The following ITM2C variants were observed in gnomAD, a reference collection of about 807,000 sequenced individuals.
ITM2C encodes the protein BRICHOS domain containing 2C.
A neutral mutation model predicts 30.0 loss-of-function variants in ITM2C; 20 were observed. That is an observed-to-expected ratio of 0.67 (90% CI 0.47 to 0.97). The LOEUF (loss-of-function observed/expected upper bound fraction) is 0.97, where lower values mean the gene tolerates loss of function less well. ITM2C is among the 50% of genes least tolerant of loss of function. ITM2C has a pLI of 0.00. For synonymous variants in ITM2C, 167 were observed against 156.4 expected (o/e 1.07, Z -0.51); for missense variants, 366 against 371.9 (o/e 0.98, Z 0.13).
Position 230,865,132 on chromosome 2 carries a change from T to C in ITM2C, c.107T>C (p.Leu36Pro), listed in dbSNP as rs781344509. The change falls in exon 1 of 6, where the codon CTG becomes CCG. Residue 36 changes from leucine (L) to proline (P), a missense_variant. Physicochemically the swap from Leu to Pro is moderately conservative, Grantham distance 98. Transcript: ENST00000326427. The surrounding 1 kb of genome is among the most constrained non-coding windows in gnomAD (Gnocchi z 6.8). ...PAPASATEIL[L>P]TPAREEQPPQ... ...CCGGCCTCGGCCACCGAGATCCTGC[T>C]GACGCCGGCTAGGGTGAGAGGGTCT... 1 of 1,489,012 alleles carries C rather than the reference T, an allele frequency of 6.7e-7. No homozygotes were observed. Among genetic ancestry groups the C allele is most frequent in the Non-Finnish European group, 9.0e-7 (1 of 1,111,824 alleles). 92.2% of individuals were successfully genotyped at this position (1,489,012 alleles called of 1,614,324 possible). A position where few individuals can be genotyped will look rare whatever the true frequency, so the allele number is the denominator to read the frequency against.
At chr2:230,874,491 C>T (rs574174637) in intron 2 of ITM2C, among the ~76,000 whole-genome samples, 1 of 152,254 alleles carries the variant, frequency 6.6e-6, no homozygotes, top group South Asian at 2.1e-4. Context: ...TTCCTGGTCC[C>T]CTCTGTTCCA....
At position 230,877,961 on chromosome 2, in the gene ITM2C, C is replaced by T; in HGVS notation, c.713-47C>T. 1 of 1,499,066 alleles carries T rather than the reference C, an allele frequency of 6.7e-7. No individual in the cohort carries two copies. Among genetic ancestry groups the T allele is most frequent in the South Asian group, 1.1e-5 (1 of 88,320 alleles). 92.9% of individuals were successfully genotyped at this position (1,499,066 alleles called of 1,614,324 possible). ...AGGCTGAGGCTGGTGGTCTTTGTGA[C>T]TCAGCCAGGATGCAGGGCTCACTGG... On this transcript the variant is annotated intron_variant, in intron 5 of 5. Coordinates refer to ENST00000326427, the MANE Select transcript of ITM2C (RefSeq NM_030926.6). This position sits in a 1 kb window ranked among gnomAD's most constrained non-coding sequence, Gnocchi z 4.8.
Position 230,875,724 on chromosome 2 carries a change from C to A in ITM2C, c.366C>A (p.Leu122=). The change falls in exon 3 of 6, where the codon CTC becomes CTA. Residue 122 remains leucine (L), a synonymous_variant. Transcript: ENST00000326427. ...TGGAAGAGGATGTGAAAATCTACCT[C>A]GACGAGAACTACGAGCGCATCAACG... ...MELEEDVKIY[L]DENYERINVP... 6.2e-7 allele frequency: 1 copy of A among 1,613,670 alleles called. No individual in the cohort carries two copies. The highest frequency in any genetic ancestry group is 1.3e-5 in the African/African-American group (1 of 74,892).
At chr2:230,868,151 G>A (rs1467167512) in intron 1 of ITM2C, among the ~76,000 whole-genome samples, 1 of 152,020 alleles carries the variant, frequency 6.6e-6, no homozygotes, top group Non-Finnish European at 1.5e-5. Context: ...AGCAAAAACT[G>A]CAACACAAGG....
At chr2:230,869,056 C>T (rs1264661956) in intron 1 of ITM2C, among the ~76,000 whole-genome samples, 2 of 152,210 alleles carry the variant, frequency 1.3e-5, no homozygotes, top group African/African-American at 4.8e-5. Context: ...GGATGAGTTT[C>T]TCTTAGTGTG....
intron 2 of ITM2C, 35 bp from the exon 3 acceptor site, chr2:230,875,585 C>T: frequency 1.3e-6 from 2 of 1,564,552 alleles, no homozygotes; most frequent in South Asian, 2.4e-5. Flanking sequence ...TGACCAGCCT[C>T]TCTGACTGTC....
chr2:230,873,981 G>A (rs1166153669), intron 2 of ITM2C, among the ~76,000 whole-genome samples: 3 of 152,184 alleles, frequency 2.0e-5, no homozygotes, highest in Non-Finnish European at 4.4e-5. Context: ...GAGAGGGGTG[G>A]GTACAGAGAG....
intron 3 of ITM2C, among the ~76,000 whole-genome samples, chr2:230,876,512 C>T (rs1181879370): frequency 7.2e-5 from 11 of 152,070 alleles, no homozygotes; most frequent in East Asian, 1.9e-4. Context: ...GACAGAGTCT[C>T]GCTCTGTCGC....
At chr2:230,873,351 T>C in intron 1 of ITM2C, 66 bp from the exon 2 acceptor site, 1 of 1,433,106 alleles carries the variant, frequency 7.0e-7, no homozygotes, top group Non-Finnish European at 9.2e-7. Context: ...GAAGCCTGAC[T>C]TAGGGAAGGG....
At chr2:230,867,373 G>A (rs777440229) in intron 1 of ITM2C, among the ~76,000 whole-genome samples, 15 of 152,186 alleles carry the variant, frequency 9.9e-5, no homozygotes, top group Admixed American at 7.2e-4. Flanking sequence ...TGGCCAACCC[G>A]CACATTTCCT....
At position 230,865,918 on chromosome 2, in the gene ITM2C, A is replaced by G. The variant is rs1010849068; in HGVS notation, c.120+773A>G. Reference sequence around the variant, plus strand: ...CACGGGGAGGGCTCCCAACTGCCCCAGTGCCCTTGCATCCTGGGTCCCCGG... The same window carrying G: ...CACGGGGAGGGCTCCCAACTGCCCCGGTGCCCTTGCATCCTGGGTCCCCGG... On this transcript the variant is annotated intron_variant, in intron 1 of 5. Coordinates refer to ENST00000326427, the MANE Select transcript of ITM2C (RefSeq NM_030926.6). This position sits in a 1 kb window ranked among gnomAD's most constrained non-coding sequence, Gnocchi z 6.8. 1.3e-5 allele frequency: 2 copies of G among 150,266 alleles called. No individual in the cohort carries two copies. Among genetic ancestry groups the G allele is most frequent in the Non-Finnish European group, 2.9e-5 (2 of 67,798 alleles). 9.3% of individuals were successfully genotyped at this position (150,266 alleles called of 1,614,324 possible).
At chr2:230,875,857 G>A (rs772313271) in intron 3 of ITM2C, 49 bp downstream of exon 3, 1 of 1,208,636 alleles carries the variant, frequency 8.3e-7, no homozygotes, top group Admixed American at 1.9e-5. Flanking sequence ...GTGTCCCGGG[G>A]ACTCAGGGCA....
chr2:230,873,677 G>A (rs1285624260), intron 2 of ITM2C, 120 bp downstream of exon 2: 4 of 1,004,512 alleles, frequency 4.0e-6, no homozygotes, highest in Non-Finnish European at 5.6e-6. Flanking sequence ...AGGTGGGAGC[G>A]AGTGCCCGGC....
intron 1 of ITM2C, among the ~76,000 whole-genome samples, chr2:230,871,709 G>C (rs868260290): frequency 3.3e-5 from 5 of 152,252 alleles, no homozygotes; most frequent in African/African-American, 1.2e-4. Context: ...GCAGACTTGA[G>C]TGTGAGGGTG....
chr2:230,876,130 G>T (rs150817864), intron 3 of ITM2C, among the ~76,000 whole-genome samples: 314 of 152,276 alleles, frequency 2.1e-3, no homozygotes, highest in African/African-American at 6.4e-3. Flanking sequence ...TGCAGAGTGG[G>T]TCTCATGCGT....
At chr2:230,875,890 A>C in intron 3 of ITM2C, 82 bp downstream of exon 3, 10 of 1,171,850 alleles carry the variant, frequency 8.5e-6, no homozygotes, top group South Asian at 1.5e-5. Context: ...ATGAAAGGAG[A>C]CTCCTCGGAG....
chr2:230,865,191 C>G lies in ITM2C; in HGVS notation c.120+46C>G. 1 of 1,363,346 alleles carries G rather than the reference C, an allele frequency of 7.3e-7. No individual in the cohort carries two copies. 84.5% of individuals were successfully genotyped at this position (1,363,346 alleles called of 1,614,324 possible). A position where few individuals can be genotyped will look rare whatever the true frequency, so the allele number is the denominator to read the frequency against. On this transcript the variant is annotated intron_variant, in intron 1 of 5. Transcript: ENST00000326427. The surrounding 1 kb of genome is among the most constrained non-coding windows in gnomAD (Gnocchi z 6.8). ...GGCGGTGGGGCGGGGGACCCAGGCT[C>G]ACGACCCAGGCGCGCCCCGTCGGCC...
At chr2:230,875,415 A>C (rs768676764) in intron 2 of ITM2C, among the ~76,000 whole-genome samples, 4 of 152,116 alleles carry the variant, frequency 2.6e-5, no homozygotes, top group African/African-American at 4.8e-5. Flanking sequence ...GAATCAGCTC[A>C]TCTCCTCACT....
intron 1 of ITM2C, among the ~76,000 whole-genome samples, chr2:230,867,325 G>C (rs1697051785): frequency 6.6e-6 from 1 of 152,202 alleles, no homozygotes; most frequent in African/African-American, 2.4e-5. Context: ...TGGAGCCTTG[G>C]AAACAGTTCA....
Sources: gnomAD v4.1 joint callset for allele counts (sites outside exome capture counted in the v4.1 genomes callset) on GRCh38, gnomAD v4.1.1 for gene constraint, Gnocchi (gnomAD v3.1) non-coding constraint, MANE v1.5 for transcripts, NCBI Gene and HGNC (gene_info 2026-07-23, HGNC 2026-07-21) for gene names.